A1BG: variants seen among roughly 807,000 people sequenced by gnomAD.
A1BG encodes alpha-1-B glycoprotein.
Under a neutral mutation model 46.0 loss-of-function variants are expected in A1BG, and 44 were observed. The ratio of observed to expected loss-of-function variants is 0.96; its 90% confidence interval spans 0.75 to 1.23. A1BG has a LOEUF of 1.23. A1BG is among the 50% of genes most tolerant of loss of function. The pLI is 0.00. For missense variants in A1BG, 707 were observed against 688.8 expected (o/e 1.03, Z -0.30); for synonymous variants, 316 against 314.7 (o/e 1.00, Z -0.04).
In A1BG at chr19:58,347,467, C is replaced by G; in HGVS notation, c.1366G>C (p.Glu456Gln). ...TGCTGGGGCCCCACGAAGATCAGCT[C>G]GAGGTTCGCCGCGGCCCCGGGGGTG... ...VRTPGAAANLELIFVGPQHAG... is the reference protein window; with the variant it reads ...VRTPGAAANLQLIFVGPQHAG... The change falls in exon 7 of 8, where the codon GAG becomes CAG. Residue 456 changes from glutamate (E) to glutamine (Q), a missense_variant. Physicochemically the swap from Glu to Gln is conservative, Grantham distance 29. Transcript: ENST00000263100. 1.9e-6 allele frequency: 3 copies of G among 1,601,754 alleles called. No homozygotes were observed. The highest frequency in any genetic ancestry group is 1.7e-5 in the Admixed American group (1 of 59,210).
In A1BG at chr19:58,350,537, C is replaced by A. The variant is rs1291732902; in HGVS notation, c.1025G>T (p.Gly342Val). The change falls in exon 6 of 8, where the codon GGC becomes GTC. Residue 342 changes from glycine to valine, a missense_variant. Coordinates refer to ENST00000263100, the MANE Select transcript of A1BG (RefSeq NM_130786.4). ...ARFALVREDR[G>V]GRRVHRFQSP... ...CTGGAAACGGTGCACGCGGCGCCCG[C>A]CCCTGTCCTCGCGCACCAGGGCGAA... 1.3e-6 allele frequency: 2 copies of A among 1,549,180 alleles called. No homozygotes were observed. The highest frequency in any genetic ancestry group is 2.7e-5 in the African/African-American group (2 of 72,970).
In A1BG at chr19:58,351,605, G is replaced by A. The variant is rs1173928678; in HGVS notation, c.696C>T (p.Cys232=). The A allele has an allele frequency of 1.1e-5, 17 of 1,613,580 alleles. No individual in the cohort carries two copies. Among genetic ancestry groups the A allele is most frequent in the Admixed American group, 3.3e-5 (2 of 59,992 alleles). The change falls in exon 5 of 8, where the codon TGC becomes TGT. Residue 232 remains cysteine, a synonymous_variant. Transcript: ENST00000263100. The part of the protein sequence containing the change: ...LHPGNKVTLT[C]VAPLSGVDFQ... ...AGTCCACTCCACTCAGGGGAGCCAC[G>A]CAGGTGAGGGTCACCTTGTTGCCAG...
Position 58,350,354 on chromosome 19 carries a change from T to A in A1BG, c.1192+16A>T. Reference sequence around the variant, plus strand: ...CTGAACCCGCGCCCGCCCTCGCTGGTGCCCCGCCAGCTCACCGTCCACGTG... The same window carrying A: ...CTGAACCCGCGCCCGCCCTCGCTGGAGCCCCGCCAGCTCACCGTCCACGTG... On this transcript the variant is annotated intron_variant, in intron 6 of 7. Coordinates refer to ENST00000263100, the MANE Select transcript of A1BG (RefSeq NM_130786.4). 1 of 1,528,850 alleles carries A rather than the reference T, an allele frequency of 6.5e-7. No homozygotes were observed. Among genetic ancestry groups the A allele is most frequent in the Non-Finnish European group, 8.8e-7 (1 of 1,133,358 alleles). 94.7% of individuals were successfully genotyped at this position (1,528,850 alleles called of 1,614,324 possible). A position where few individuals can be genotyped will look rare whatever the true frequency, so the allele number is the denominator to read the frequency against.
Position 58,352,366 on chromosome 19 carries a change from G to A in A1BG, c.530C>T (p.Pro177Leu), listed in dbSNP as rs766288015. Residue 177 changes from proline (P) to leucine (L), a missense_variant, in exon 4 of 8, where the codon CCT (proline) becomes CTT (leucine). By Grantham distance (98) the Pro-to-Leu change is moderately conservative. Transcript: ENST00000263100. Reference sequence around the variant, plus strand: ...CCGGTAGCTGCAGCTGTAGTTGCCAGGCTGATGGACTGGAAAGGTGGCCTC... The same window carrying A: ...CCGGTAGCTGCAGCTGTAGTTGCCAAGCTGATGGACTGGAAAGGTGGCCTC... ...DVEATFPVHQPGNYSCSYRTD... is the reference protein window; with the variant it reads ...DVEATFPVHQLGNYSCSYRTD... 6.2e-7 allele frequency: 1 copy of A among 1,614,044 alleles called. No individual in the cohort carries two copies. Among genetic ancestry groups the A allele is most frequent in the Non-Finnish European group, 8.5e-7 (1 of 1,180,034 alleles).
Position 58,353,251 on chromosome 19 carries a change from G to T in A1BG, c.70+41C>A, listed in dbSNP as rs367666564. Reference sequence around the variant, plus strand: ...TGCCACAGAGACAGGGCTCCCCCCCGGCCTGGGCCCACCATTCCCAGACCT... The same window carrying T: ...TGCCACAGAGACAGGGCTCCCCCCCTGCCTGGGCCCACCATTCCCAGACCT... On this transcript the variant is annotated intron_variant, in intron 2 of 7. Transcript: ENST00000263100. 16 of 1,613,438 alleles carry T rather than the reference G, an allele frequency of 9.9e-6. No homozygotes were observed. In the African/African-American group the frequency reaches 1.9e-4, roughly 19 times the overall value.
At chr19:58,347,792 G>C (rs773819088) in intron 6 of A1BG, 152 bp from the exon 7 acceptor site, 1 of 441,164 alleles carries the variant, frequency 2.3e-6, no homozygotes, top group African/African-American at 2.1e-5. Context: ...GGGCTCCTCC[G>C]GCGCCGCCGA....
chr19:58,346,788 C>T lies in A1BG; in HGVS notation c.*234G>A. The T allele has an allele frequency of 3.1e-6, 2 of 648,068 alleles. No homozygotes were observed. The highest frequency in any genetic ancestry group is 5.5e-5 in the East Asian group (2 of 36,512). 40.1% of individuals were successfully genotyped at this position (648,068 alleles called of 1,614,324 possible). A position where few individuals can be genotyped will look rare whatever the true frequency, so the allele number is the denominator to read the frequency against. Reference sequence around the variant, plus strand: ...CTCCACTCCTCTACCTCAGGAGCCACCCCAGAACCCATCCACTTTGAGGAC... The same window carrying T: ...CTCCACTCCTCTACCTCAGGAGCCATCCCAGAACCCATCCACTTTGAGGAC... On this transcript the variant is annotated 3_prime_UTR_variant, in exon 8 of 8. Transcript: ENST00000263100.
Position 58,346,867 on chromosome 19 carries a change from CT to C in A1BG, c.*154del, listed in dbSNP as rs2051916602. The C allele has an allele frequency of 1.4e-6, 1 of 690,008 alleles. No homozygotes were observed. The highest frequency in any genetic ancestry group is 2.5e-5 in the Admixed American group (1 of 40,196). 42.7% of individuals were successfully genotyped at this position (690,008 alleles called of 1,614,324 possible). A position where few individuals can be genotyped will look rare whatever the true frequency, so the allele number is the denominator to read the frequency against. On this transcript the variant is annotated 3_prime_UTR_variant, in exon 8 of 8. Coordinates refer to ENST00000263100, the MANE Select transcript of A1BG (RefSeq NM_130786.4). ...AGTCCAAAGACATTTTAAACAGAGCCTCTCTTCACATTTATTAATTCCTGGG... is the reference window on the plus strand; with the variant it reads ...AGTCCAAAGACATTTTAAACAGAGCCCTCTTCACATTTATTAATTCCTGGG...
In A1BG at chr19:58,352,308, G is replaced by T. The variant is rs201878184; in HGVS notation, c.588C>A (p.Ser196Arg). 3.6e-5 allele frequency: 58 copies of T among 1,613,746 alleles called. No homozygotes were observed. Among genetic ancestry groups the T allele is most frequent in the Middle Eastern group, 1.7e-4 (1 of 6,042 alleles). Residue 196 changes from serine (S) to arginine (R), a missense_variant, in exon 4 of 8, where the codon AGC becomes AGA. By Grantham distance (110) the Ser-to-Arg change is moderately radical (BLOSUM62 -1). Coordinates refer to ENST00000263100, the MANE Select transcript of A1BG (RefSeq NM_130786.4). ...CGAGCTCCTCAATGGTCACAGTAGC[G>T]CTGGGCTCAGAGAGGGCGCCTTCCC... ...TDGEGALSEPSATVTIEELAA... is the reference protein window; with the variant it reads ...TDGEGALSEPRATVTIEELAA...
In A1BG at chr19:58,350,432, A is replaced by C; in HGVS notation, c.1130T>G (p.Val377Gly). ...GCCCCCGAAAGGCGGCTTCAGGTCC[A>C]CGTAGACGCAGCTGTAGTTGGCGGA... ...ADSANYSCVY[V>G]DLKPPFGGSA... Residue 377 changes from valine to glycine, a missense_variant, in exon 6 of 8, where the codon GTG (valine) becomes GGG (glycine). Physicochemically the swap from Val to Gly is moderately radical, Grantham distance 109 (BLOSUM62 -3). Coordinates refer to ENST00000263100, the MANE Select transcript of A1BG (RefSeq NM_130786.4). 1.3e-6 allele frequency: 2 copies of C among 1,551,682 alleles called. No homozygotes were observed.
intron 7 of A1BG, 48 bp downstream of exon 7, chr19:58,347,305 C>G (rs1471468067): frequency 1.2e-6 from 2 of 1,605,248 alleles, no homozygotes; most frequent in Non-Finnish European, 1.7e-6. Flanking sequence ...ACAGCCCAGG[C>G]AAACATCAGC....
In A1BG at chr19:58,347,458, A is replaced by G. The variant is rs780797889; in HGVS notation, c.1375T>C (p.Phe459Leu). The G allele has an allele frequency of 6.2e-7, 1 of 1,605,294 alleles. No homozygotes were observed. Reference protein sequence around the residue: ...PGAAANLELIFVGPQHAGNYR... With the variant: ...PGAAANLELILVGPQHAGNYR... ...TTGCCGGCGTGCTGGGGCCCCACGA[A>G]GATCAGCTCGAGGTTCGCCGCGGCC... Residue 459 changes from phenylalanine to leucine, a missense_variant, in exon 7 of 8, where the codon TTC (phenylalanine) becomes CTC (leucine). Coordinates refer to ENST00000263100, the MANE Select transcript of A1BG (RefSeq NM_130786.4).
intron 5 of A1BG, 32 bp from the exon 6 acceptor site, chr19:58,350,683 C>T (rs2051949938): frequency 1.5e-6 from 2 of 1,335,940 alleles, no homozygotes; most frequent in East Asian, 6.2e-5. Flanking sequence ...GACCCGGGCG[C>T]CCAGCGGCTG....
At chr19:58,348,563 G>A (rs542955183) in intron 6 of A1BG, 8 of 152,262 alleles carry the variant, frequency 5.3e-5, no homozygotes, top group African/African-American at 1.7e-4. Flanking sequence ...ATATACTTTC[G>A]CATTTTAAAA....
Position 58,347,039 on chromosome 19 carries a change from G to T in A1BG, c.1481-10C>A. Reference sequence around the variant, plus strand: ...CGGCTGCATCAGCTTTCTAGACAACGGGAGAAAAGAGAAATGGTGGAGGAG... The same window carrying T: ...CGGCTGCATCAGCTTTCTAGACAACTGGAGAAAAGAGAAATGGTGGAGGAG... On this transcript the variant is annotated splice_polypyrimidine_tract_variant and intron_variant, in intron 7 of 7. Coordinates refer to ENST00000263100, the MANE Select transcript of A1BG (RefSeq NM_130786.4). 6.2e-7 allele frequency: 1 copy of T among 1,613,986 alleles called. No individual in the cohort carries two copies. Among genetic ancestry groups the T allele is most frequent in the Non-Finnish European group, 8.5e-7 (1 of 1,179,944 alleles).
intron 5 of A1BG, 141 bp from the exon 6 acceptor site, chr19:58,350,792 C>T (rs2051950906): frequency 2.4e-6 from 2 of 836,458 alleles, no homozygotes; most frequent in South Asian, 3.4e-5. Flanking sequence ...CTCCTCCGGG[C>T]CCGCCCCACC....
At chr19:58,352,834 G>A in intron 3 of A1BG, 94 bp downstream of exon 3, 2 of 1,496,174 alleles carry the variant, frequency 1.3e-6, no homozygotes, top group Non-Finnish European at 1.8e-6. Context: ...TGGGGCTTGG[G>A]GCTCAGAGAC....
intron 6 of A1BG, among the ~76,000 whole-genome samples, chr19:58,349,394 T>C (rs977383194): frequency 5.3e-5 from 8 of 151,946 alleles, no homozygotes; most frequent in Non-Finnish European, 8.8e-5. Flanking sequence ...GACTCACAAG[T>C]GTAATCCCAG....
intron 6 of A1BG, among the ~76,000 whole-genome samples, chr19:58,348,163 G>C (rs1179078516): frequency 6.6e-6 from 1 of 152,100 alleles, no homozygotes; most frequent in Non-Finnish European, 1.5e-5. Context: ...ACCAGCCTGG[G>C]TAACACGGTG....
Sources: allele counts gnomAD v4.1 joint callset (sites outside exome capture counted in the v4.1 genomes callset), GRCh38; gene constraint gnomAD v4.1.1; transcripts MANE v1.5; gene names NCBI Gene and HGNC (gene_info 2026-07-23, HGNC 2026-07-21).